PATJ: variants seen among roughly 807,000 people sequenced by gnomAD.
PATJ encodes the protein PATJ crumbs cell polarity complex component, also known as inaD-like protein.
In PATJ, 190 loss-of-function variants were observed where a neutral mutation model predicts 224.9. That is an observed-to-expected ratio of 0.84 (90% CI 0.75 to 0.95). PATJ has a LOEUF of 0.95. Among genes scored for constraint, PATJ ranks in the 40% least tolerant of loss-of-function variants. The pLI, the probability that PATJ is intolerant of heterozygous loss-of-function variation, is 0.00. For synonymous variants in PATJ, 769 were observed against 820.3 expected, an observed-to-expected ratio of 0.94 and a Z score of 1.07; for missense variants, 2,121 against 2,270.3, an observed-to-expected ratio of 0.93 and a Z score of 1.34.
At chr1:62,075,164 G>A (rs1050066524) in intron 31 of PATJ, among the ~76,000 whole-genome samples, 4 of 152,100 alleles carry the variant, frequency 2.6e-5, no homozygotes, top group Non-Finnish European at 5.9e-5. Context: ...AGTCCTTTCT[G>A]CAGCTTCCAA....
chr1:61,814,213 G>A (rs2492282), intron 14 of PATJ, among the ~76,000 whole-genome samples: 12,401 of 137,706 alleles, frequency 0.09, 681 homozygotes, highest in Non-Finnish European at 0.12. Flanking sequence ...GCACCATCTC[G>A]GCTCACTGCA....
chr1:61,843,437 C>T (rs1661426386), intron 17 of PATJ, among the ~76,000 whole-genome samples: 1 of 152,070 alleles, frequency 6.6e-6, no homozygotes, highest in South Asian at 2.1e-4. Context: ...ATTACAAGGA[C>T]TAAATAAAAA....
chr1:62,010,065 T>C (rs1239655963), intron 28 of PATJ, among the ~76,000 whole-genome samples: 2 of 103,130 alleles, frequency 1.9e-5, no homozygotes, highest in Admixed American at 2.2e-4. Flanking sequence ...CCTGGGGGAG[T>C]GAGACTCCAT....
At chr1:61,785,321 A>C (rs1157667591) in intron 7 of PATJ, among the ~76,000 whole-genome samples, 1 of 152,192 alleles carries the variant, frequency 6.6e-6, no homozygotes, top group East Asian at 1.9e-4. Context: ...GAAAGCAATA[A>C]ATTTACTATC....
intron 17 of PATJ, among the ~76,000 whole-genome samples, chr1:61,851,705 A>G (rs955298866): frequency 6.6e-6 from 1 of 152,196 alleles, no homozygotes; most frequent in Non-Finnish European, 1.5e-5. Flanking sequence ...AAATTGACTC[A>G]TGGGGGCAAG....
intron 31 of PATJ, among the ~76,000 whole-genome samples, chr1:62,060,630 G>A (rs1035380669): frequency 6.6e-6 from 1 of 152,144 alleles, no homozygotes; most frequent in African/African-American, 2.4e-5. Context: ...GTGGTGGTAG[G>A]TGGGAGGGAG....
intron 7 of PATJ, among the ~76,000 whole-genome samples, chr1:61,785,820 G>T (rs764934247): frequency 6.6e-6 from 1 of 151,992 alleles, no homozygotes; most frequent in Admixed American, 6.6e-5. Flanking sequence ...ACATATAAAA[G>T]AATGTATATA....
At chr1:62,051,942 A>G (rs567159551) in intron 31 of PATJ, among the ~76,000 whole-genome samples, 1 of 152,318 alleles carries the variant, frequency 6.6e-6, no homozygotes, top group Admixed American at 6.5e-5. Context: ...ACTGAGAGTT[A>G]GAGAAGTTAA....
intron 14 of PATJ, among the ~76,000 whole-genome samples, chr1:61,813,686 T>A (rs1286990370): frequency 6.6e-6 from 1 of 151,956 alleles, no homozygotes; most frequent in East Asian, 1.9e-4. Flanking sequence ...ATATGTGCCA[T>A]GGAGAATATT....
rs1669914597 is a variant in PATJ, at chr1:62,162,586, TC to T, written c.*1533del. 6.6e-6 allele frequency: 1 copy of T among 152,188 alleles called. No homozygotes were observed. The highest frequency in any genetic ancestry group is 2.1e-4 in the South Asian group (1 of 4,844). 9.4% of individuals were successfully genotyped at this position (152,188 alleles called of 1,614,324 possible). On this transcript the variant is annotated 3_prime_UTR_variant, in exon 44 of 44. Coordinates refer to ENST00000642238, the MANE Select transcript of PATJ (RefSeq NM_001350145.3). The stretch of plus-strand genomic sequence containing the variant: ...ATACCTTTAAGTTGATTATTGGCAA[TC>T]TTATTCATATATTAGCAAGAAAAAG...
intron 22 of PATJ, among the ~76,000 whole-genome samples, chr1:61,896,695 A>G (rs917296971): frequency 6.6e-6 from 1 of 152,170 alleles, no homozygotes; most frequent in Admixed American, 6.5e-5. Context: ...CCCATGTGTC[A>G]GGTGAGGGAC....
chr1:62,032,346 G>T (rs1164894158), intron 29 of PATJ, among the ~76,000 whole-genome samples: 2 of 152,064 alleles, frequency 1.3e-5, no homozygotes, highest in Non-Finnish European at 2.9e-5. Context: ...AATTGGTTTA[G>T]AATTCATTTA....
At chr1:62,085,483 A>G (rs553420005) in intron 33 of PATJ, among the ~76,000 whole-genome samples, 1 of 152,274 alleles carries the variant, frequency 6.6e-6, no homozygotes, top group African/African-American at 2.4e-5. Context: ...TGCCTCACAC[A>G]TAGTAAGTGT....
intron 27 of PATJ, among the ~76,000 whole-genome samples, chr1:61,989,656 C>T (rs1010390144): frequency 7.2e-5 from 11 of 151,906 alleles, no homozygotes; most frequent in South Asian, 6.2e-4. Context: ...CTTTTTAGTG[C>T]GGGTGGGTTG....
chr1:62,123,192 A>G (rs1393028410), intron 39 of PATJ, 134 bp downstream of exon 39: 2 of 619,456 alleles, frequency 3.2e-6, no homozygotes, highest in Non-Finnish European at 5.6e-6. Context: ...TATGGTCTAA[A>G]TAACATCAAT....
chr1:61,954,002 G>A (rs901118353), intron 27 of PATJ, among the ~76,000 whole-genome samples: 3 of 152,192 alleles, frequency 2.0e-5, no homozygotes, highest in Non-Finnish European at 4.4e-5. Context: ...TGTCCTTTGC[G>A]CTTTGTTGAA....
chr1:62,106,803 G>C (rs1663114232), intron 33 of PATJ, among the ~76,000 whole-genome samples: 2 of 152,082 alleles, frequency 1.3e-5, no homozygotes, highest in African/African-American at 4.8e-5. Context: ...AAGTCCTGCT[G>C]CTTGACTTCT....
At chr1:62,038,831 C>T (rs190363917) in intron 30 of PATJ, 60 of 691,412 alleles carry the variant, frequency 8.7e-5, no homozygotes, top group Middle Eastern at 8.5e-4. Context: ...CCGGGGTGGA[C>T]GGTGGGTGGG....
At chr1:61,914,758 T>A in intron 26 of PATJ, 94 bp downstream of exon 26, 1 of 657,894 alleles carries the variant, frequency 1.5e-6, no homozygotes, top group Non-Finnish European at 2.6e-6. Flanking sequence ...GGCTTTTTGA[T>A]GAGTGTCAGT....
Sources: allele counts gnomAD v4.1 joint callset (sites outside exome capture counted in the v4.1 genomes callset), GRCh38; gene constraint gnomAD v4.1.1; transcripts MANE v1.5; gene names NCBI Gene and HGNC (gene_info 2026-07-23, HGNC 2026-07-21).